Variants in ST7L observed in about 807,000 individuals in gnomAD.
ST7L encodes the protein suppressor of tumorigenicity 7 protein-like.
A neutral mutation model predicts 72.5 loss-of-function variants in ST7L; 57 were observed. The ratio of observed to expected loss-of-function variants is 0.79; its 90% confidence interval spans 0.64 to 0.98. ST7L has a LOEUF of 0.98. Ranked by LOEUF, ST7L falls within the 50% of genes least tolerant of loss-of-function variation. ST7L has a pLI of 0.00. For missense variants in ST7L, 576 were observed against 672.2 expected (o/e 0.86, Z 1.58); for synonymous variants, 221 against 240.9 (o/e 0.92, Z 0.77).
Position 112,555,894 on chromosome 1 carries a change from T to C in ST7L, c.1370A>G (p.Asn457Ser), listed in dbSNP as rs148187193. 6 of 1,604,852 alleles carry C rather than the reference T, an allele frequency of 3.7e-6. No individual in the cohort carries two copies. The East Asian group carries it at 1.1e-4, about 30-fold the overall frequency. ...GCCTTCCCATGTACACTGTAACAGA[T>C]TAAGAGCACCTTCTATTCGTTTCCA... is the stretch of plus-strand genomic sequence containing the variant. The part of the protein sequence containing the change: ...QHWKRIEGAL[N>S]LLQCTWEGTF... Residue 457 changes from asparagine to serine, a missense_variant, in exon 12 of 15, where the codon AAT (asparagine) becomes AGT (serine). Physicochemically the swap from Asn to Ser is conservative, Grantham distance 46 (BLOSUM62 1). This residue lies in a region of ST7L where 511 missense variants were observed against 600.7 expected (regional missense o/e 0.85). Transcript: ENST00000358039.
intron 13 of ST7L, among the ~76,000 whole-genome samples, chr1:112,544,053 T>TA (rs1346256776): frequency 6.6e-6 from 1 of 152,152 alleles, no homozygotes; most frequent in African/African-American, 2.4e-5. Context: ...AATTTGAAAA[T>TA]ACTTGAATAA....
At chr1:112,577,121 ATGCT>A in intron 10 of ST7L, 33 bp from the exon 11 acceptor site, 1 of 1,433,618 alleles carries the variant, frequency 7.0e-7, no homozygotes. Context: ...AAAAATAAAT[ATGCT>A]AAAAAAAAGA....
At chr1:112,528,576 C>T (rs1653840408) in intron 14 of ST7L, 1 of 152,138 alleles carries the variant, frequency 6.6e-6, no homozygotes, top group Non-Finnish European at 1.5e-5. Flanking sequence ...AGATTCTGGG[C>T]TAAGTAAGAG....
At chr1:112,533,489 G>T (rs936404462) in intron 14 of ST7L, among the ~76,000 whole-genome samples, 2 of 151,680 alleles carry the variant, frequency 1.3e-5, no homozygotes, top group African/African-American at 4.8e-5. Flanking sequence ...GCCAATTTTT[G>T]TATTTTTAGT....
At chr1:112,523,448 C>T (rs1267554024), downstream of ST7L, 1 of 152,226 alleles carries the variant, frequency 6.6e-6, no homozygotes, top group Admixed American at 6.5e-5. Context: ...TAGTTCTTAG[C>T]TTGCTTCTGC....
chr1:112,528,505 A>G (rs1300544204), intron 14 of ST7L: 5 of 152,132 alleles, frequency 3.3e-5, no homozygotes, highest in Non-Finnish European at 5.9e-5. Context: ...ACTAACAGAG[A>G]TCTACACTGT....
rs148251382 is a variant in ST7L, at chr1:112,605,654, C to A, written c.452-4806G>T. On this transcript the variant is annotated intron_variant, in intron 3 of 14. Coordinates refer to ENST00000358039, the MANE Select transcript of ST7L (RefSeq NM_017744.5). ...TCAGTGAGTCGAGATCACGCCACTG[C>A]ACTCCAGCCTGGGCAACAGAGCAAG... 2.0e-3 allele frequency among the ~76,000 whole-genome samples: 310 copies of A among 152,150 alleles called. 2 individuals carry two copies. Among genetic ancestry groups the A allele is most frequent in the African/African-American group, 7.1e-3 (296 of 41,530 alleles).
chr1:112,606,711 A>G (rs1344031402), intron 3 of ST7L, among the ~76,000 whole-genome samples: 1 of 152,172 alleles, frequency 6.6e-6, no homozygotes, highest in Non-Finnish European at 1.5e-5. Context: ...TTTTCTCACA[A>G]TCTGAAGGTT....
intron 14 of ST7L, among the ~76,000 whole-genome samples, chr1:112,532,936 G>A (rs1654606505): frequency 6.6e-6 from 1 of 152,024 alleles, no homozygotes; most frequent in Non-Finnish European, 1.5e-5. Context: ...TCCTACTTTA[G>A]GGAAAAAAGT....
chr1:112,581,361 C>G (rs112600812), intron 9 of ST7L, among the ~76,000 whole-genome samples: 3,359 of 151,420 alleles, frequency 0.022, 47 homozygotes, highest in African/African-American at 0.039. Context: ...CTCCACTAAA[C>G]TGTAAATAAA....
chr1:112,586,943 C>G (rs1664956368), intron 6 of ST7L, among the ~76,000 whole-genome samples: 1 of 152,214 alleles, frequency 6.6e-6, no homozygotes, highest in Admixed American at 6.5e-5. Context: ...CCCTTGCCTC[C>G]TCAATCCCTG....
At chr1:112,589,659 A>G (rs1665395190) in intron 6 of ST7L, among the ~76,000 whole-genome samples, 1 of 152,208 alleles carries the variant, frequency 6.6e-6, no homozygotes, top group East Asian at 1.9e-4. Context: ...GTGATTTGAT[A>G]GAGGTTTCCT....
At chr1:112,551,476 G>T (rs1658177197) in intron 12 of ST7L, among the ~76,000 whole-genome samples, 1 of 152,198 alleles carries the variant, frequency 6.6e-6, no homozygotes, top group African/African-American at 2.4e-5. Context: ...TAGATCAGGG[G>T]TCACCAAAGT....
At chr1:112,577,181 G>A (rs28367001) in intron 10 of ST7L, 93 bp from the exon 11 acceptor site, 18 of 651,572 alleles carry the variant, frequency 2.8e-5, no homozygotes, top group South Asian at 2.7e-4. Flanking sequence ...TGAATCAAAA[G>A]AAGTTTCTGG....
intron 9 of ST7L, among the ~76,000 whole-genome samples, chr1:112,579,588 C>T (rs1663777985): frequency 6.6e-6 from 1 of 151,830 alleles, no homozygotes; most frequent in African/African-American, 2.4e-5. Flanking sequence ...ATTTATTTTT[C>T]TTAAATTATT....
At chr1:112,530,404 G>C (rs905823813) in intron 14 of ST7L, among the ~76,000 whole-genome samples, 13 of 152,056 alleles carry the variant, frequency 8.5e-5, no homozygotes, top group African/African-American at 3.1e-4. Context: ...AACTCAAGGA[G>C]AGGTTCTGTG....
At chr1:112,551,493 C>T (rs1658180981) in intron 12 of ST7L, among the ~76,000 whole-genome samples, 1 of 152,178 alleles carries the variant, frequency 6.6e-6, no homozygotes, top group Admixed American at 6.5e-5. Flanking sequence ...AAGTATGGCC[C>T]TTTGGCCAGG....
At chr1:112,587,046 T>C (rs937730897) in intron 6 of ST7L, among the ~76,000 whole-genome samples, 1 of 152,196 alleles carries the variant, frequency 6.6e-6, no homozygotes, top group African/African-American at 2.4e-5. Context: ...ATTTTTCTTT[T>C]GCTGCTTGTA....
At chr1:112,568,267 G>A (rs1227441905) in intron 11 of ST7L, among the ~76,000 whole-genome samples, 1 of 151,316 alleles carries the variant, frequency 6.6e-6, no homozygotes, top group African/African-American at 2.4e-5. Context: ...ATTTTCAAAT[G>A]TGGATATTCA....
Sources: allele counts gnomAD v4.1 joint callset (sites outside exome capture counted in the v4.1 genomes callset), GRCh38; gene constraint gnomAD v4.1.1; regional missense constraint gnomAD v4.1.1; transcripts MANE v1.5; gene names NCBI Gene and HGNC (gene_info 2026-07-23, HGNC 2026-07-21).